The following CD109 variants were observed in gnomAD, a reference collection of about 807,000 sequenced individuals.
The protein encoded by CD109 is CD109 antigen.
CD109 carries 149 observed loss-of-function variants against 165.8 expected under a neutral mutation model. The observed-to-expected ratio is 0.90, with a 90% CI of 0.79 to 1.03. The LOEUF is 1.03. Among genes scored for constraint, CD109 ranks in the 50% least tolerant of loss-of-function variants. CD109 has a pLI of 0.00. For missense variants in CD109, 1,712 were observed against 1,677.8 expected, an observed-to-expected ratio of 1.02 and a Z score of -0.36; for synonymous variants, 585 against 592.1, an observed-to-expected ratio of 0.99 and a Z score of 0.18.
chr6:73,759,550 A>ACGG (rs1214599728), intron 7 of CD109, among the ~76,000 whole-genome samples: 3 of 152,150 alleles, frequency 2.0e-5, no homozygotes, highest in Non-Finnish European at 4.4e-5. Context: ...TCCCGGTTCT[A>ACGG]TTTGGGACAA....
At position 73,746,813 on chromosome 6, in the gene CD109, C is replaced by A. The variant is rs369547453; in HGVS notation, c.634-9830C>A. ...ACTATGAGTGACTGTCAGGTATAGA[C>A]CAGCTTCAGTTCTTCAGGTGTTTAG... On this transcript the variant is annotated intron_variant, in intron 5 of 32. Coordinates refer to ENST00000287097, the MANE Select transcript of CD109 (RefSeq NM_133493.5). Among the ~76,000 whole-genome samples, 3 of 152,118 alleles carry A rather than the reference C, an allele frequency of 2.0e-5. No individual in the cohort carries two copies. The East Asian group carries it at 5.8e-4, about 29-fold the overall frequency.
At chr6:73,701,538 A>G (rs986060524) in intron 2 of CD109, among the ~76,000 whole-genome samples, 2 of 152,116 alleles carry the variant, frequency 1.3e-5, no homozygotes, top group African/African-American at 4.8e-5. Context: ...ATCAAGAAAA[A>G]AGAAATTAAG....
In CD109 at chr6:73,746,337, G is replaced by A. The variant is rs371991075; in HGVS notation, c.633+9829G>A. Among the ~76,000 whole-genome samples the A allele has an allele frequency of 1.3e-4, 20 of 152,242 alleles. No individual in the cohort carries two copies. In the East Asian group the frequency reaches 1.4e-3, roughly 10 times the overall value. Reference sequence around the variant, plus strand: ...CACTGAAATGAGTACCAAGTCCCTGGGTGGAGTGAGGAAAGGGAGAAAGAG... The same window carrying A: ...CACTGAAATGAGTACCAAGTCCCTGAGTGGAGTGAGGAAAGGGAGAAAGAG... On this transcript the variant is annotated intron_variant, in intron 5 of 32. Coordinates refer to ENST00000287097, the MANE Select transcript of CD109 (RefSeq NM_133493.5).
At chr6:73,767,086 A>C in intron 13 of CD109, 76 bp downstream of exon 13, 1 of 1,299,218 alleles carries the variant, frequency 7.7e-7, no homozygotes, top group Non-Finnish European at 1.1e-6. Context: ...TCTGGGGTAC[A>C]TGTGCAGGTT....
intron 10 of CD109, among the ~76,000 whole-genome samples, chr6:73,764,228 T>C (rs1276979772): frequency 1.3e-5 from 2 of 152,222 alleles, no homozygotes; most frequent in African/African-American, 4.8e-5. Context: ...GGAAAATATA[T>C]ACTTAACTAT....
At chr6:73,765,431 T>C (rs1471623530) in intron 10 of CD109, among the ~76,000 whole-genome samples, 1 of 152,134 alleles carries the variant, frequency 6.6e-6, no homozygotes, top group Non-Finnish European at 1.5e-5. Flanking sequence ...ATGACATGGT[T>C]GCTCATTTTA....
rs542911872 is a variant in CD109 at position 73,715,305 on chromosome 6, G to A, written c.248-7946G>A. On this transcript the variant is annotated intron_variant, in intron 2 of 32. Coordinates refer to ENST00000287097, the MANE Select transcript of CD109 (RefSeq NM_133493.5). ...TGATGAGGCACGGTGACTCACATCT[G>A]TAATCCTAGGGCCTTGGGAAGTCAA... Among the ~76,000 whole-genome samples, 6 of 152,006 alleles carry A rather than the reference G, an allele frequency of 3.9e-5. No individual in the cohort carries two copies. The East Asian group carries it at 1.2e-3, about 30-fold the overall frequency.
chr6:73,754,852 C>T (rs1268555928), intron 5 of CD109, among the ~76,000 whole-genome samples: 8 of 152,058 alleles, frequency 5.3e-5, no homozygotes, highest in Non-Finnish European at 1.2e-4. Flanking sequence ...TGCATGAAAC[C>T]CCAGGACACT....
At chr6:73,713,546 A>G (rs1288944395) in intron 2 of CD109, among the ~76,000 whole-genome samples, 4 of 151,878 alleles carry the variant, frequency 2.6e-5, no homozygotes, top group South Asian at 2.1e-4. Context: ...GAGCTGCCAC[A>G]CCTGGCCTGG....
chr6:73,801,398 C>T (rs1325612026), intron 23 of CD109, among the ~76,000 whole-genome samples: 4 of 152,258 alleles, frequency 2.6e-5, no homozygotes, highest in African/African-American at 7.2e-5. Flanking sequence ...CTAATTACTG[C>T]ACCGTAATAA....
intron 15 of CD109, among the ~76,000 whole-genome samples, chr6:73,772,570 AG>A (rs1178760247): frequency 6.7e-6 from 1 of 148,418 alleles, no homozygotes; most frequent in Admixed American, 6.7e-5. Flanking sequence ...CAGTATATTG[AG>A]GGGGTGAAAT....
chr6:73,708,253 G>GT (rs1562022095), intron 2 of CD109, among the ~76,000 whole-genome samples: 5 of 151,842 alleles, frequency 3.3e-5, no homozygotes, highest in South Asian at 2.1e-4. Context: ...GCGGTGTTTG[G>GT]TTTTTTGTCC....
chr6:73,776,208 T>A (rs1774236395), intron 15 of CD109, among the ~76,000 whole-genome samples: 1 of 152,188 alleles, frequency 6.6e-6, no homozygotes, highest in Non-Finnish European at 1.5e-5. Flanking sequence ...AAATGATAGC[T>A]ATCCATTCTG....
At chr6:73,691,160 C>T (rs1582016879), upstream of CD109, among the ~76,000 whole-genome samples, 1 of 152,138 alleles carries the variant, frequency 6.6e-6, no homozygotes, top group Admixed American at 6.5e-5. Flanking sequence ...CAAGGTTTTC[C>T]CCATCATTTT....
At position 73,825,254 on chromosome 6, in the gene CD109, A is replaced by T. The variant is rs1373297751; in HGVS notation, c.*1621A>T. 6.6e-6 allele frequency: 1 copy of T among 152,216 alleles called. No homozygotes were observed. The highest frequency in any genetic ancestry group is 2.1e-4 in the South Asian group (1 of 4,824). The allele number at this position is 152,216 out of a possible 1,614,324, so 9.4% of individuals were successfully genotyped here. A position where few individuals can be genotyped will look rare whatever the true frequency, so the allele number is the denominator to read the frequency against. On this transcript the variant is annotated 3_prime_UTR_variant, in exon 33 of 33. Coordinates refer to ENST00000287097, the MANE Select transcript of CD109 (RefSeq NM_133493.5). ...ACAGTGGTCTATGAAGAGGGCAGTT[A>T]AGTATCAAATACTTAATTTTCTTGC...
intron 2 of CD109, among the ~76,000 whole-genome samples, chr6:73,711,739 G>A (rs1276420983): frequency 1.7e-4 from 2 of 11,486 alleles, no homozygotes; most frequent in Non-Finnish European, 5.5e-4. Flanking sequence ...GGGTTTCACC[G>A]TTTTAGCCGG....
chr6:73,792,612 TC>T lies in CD109; in HGVS notation c.2702-13del. ...GAGTATTTACTGAATGAACTGCATG[TC>T]TTGTGCTTCCAGGAGATGTTCTTGG... On this transcript the variant is annotated splice_polypyrimidine_tract_variant and intron_variant, in intron 22 of 32. Transcript: ENST00000287097. The T allele has an allele frequency of 6.2e-7, 1 of 1,611,700 alleles. No homozygotes were observed. The highest frequency in any genetic ancestry group is 8.5e-7 in the Non-Finnish European group (1 of 1,179,642).
At chr6:73,777,929 G>A (rs1774317635) in intron 15 of CD109, among the ~76,000 whole-genome samples, 1 of 152,138 alleles carries the variant, frequency 6.6e-6, no homozygotes, top group African/African-American at 2.4e-5. Context: ...TTTTAAAATA[G>A]TTTTCTCTCG....
At chr6:73,754,009 A>T (rs1010216789) in intron 5 of CD109, among the ~76,000 whole-genome samples, 1 of 152,220 alleles carries the variant, frequency 6.6e-6, no homozygotes, top group Non-Finnish European at 1.5e-5. Context: ...AAAGCAAATG[A>T]TTATCATATA....
Sources: gnomAD v4.1 joint callset for allele counts (sites outside exome capture counted in the v4.1 genomes callset) on GRCh38, gnomAD v4.1.1 for gene constraint, MANE v1.5 for transcripts, NCBI Gene and HGNC (gene_info 2026-07-23, HGNC 2026-07-21) for gene names.